Variants in SRGAP3 observed in about 807,000 individuals in gnomAD.
SRGAP3 encodes the protein SLIT-ROBO Rho GTPase-activating protein 3.
In SRGAP3, 39 loss-of-function variants were observed where a neutral mutation model predicts 121.1. That is an observed-to-expected ratio of 0.32 (90% CI 0.25 to 0.42). The LOEUF (loss-of-function observed/expected upper bound fraction) is 0.42, where lower values mean the gene tolerates loss of function less well. Among genes scored for constraint, SRGAP3 ranks in the 10% least tolerant of loss-of-function variants. The pLI, the probability that SRGAP3 is intolerant of heterozygous loss-of-function variation, is 1.00. For missense variants in SRGAP3, 1,213 were observed against 1,470.6 expected (o/e 0.82, Z 2.86); for synonymous variants, 601 against 570.0 (o/e 1.05, Z -0.77).
intron 3 of SRGAP3, among the ~76,000 whole-genome samples, chr3:9,087,848 G>A (rs74381383): frequency 0.017 from 2,575 of 152,186 alleles, 72 homozygotes; most frequent in African/African-American, 0.059. Context: ...GCTGGAGATC[G>A]GGTTCTTGTA....
At chr3:9,028,946 G>A (rs868253752) in intron 12 of SRGAP3, among the ~76,000 whole-genome samples, 4 of 152,248 alleles carry the variant, frequency 2.6e-5, no homozygotes, top group Middle Eastern at 3.4e-3. Context: ...TCAGGGGAGC[G>A]CCATCGGCTC....
intron 3 of SRGAP3, among the ~76,000 whole-genome samples, chr3:9,102,746 T>C (rs1180000562): frequency 6.6e-6 from 1 of 152,186 alleles, no homozygotes; most frequent in Non-Finnish European, 1.5e-5. Context: ...TTTTTCATTA[T>C]TTTCCACCCT....
intron 21 of SRGAP3, among the ~76,000 whole-genome samples, chr3:8,988,252 G>A (rs368035297): frequency 3.3e-4 from 51 of 152,292 alleles, no homozygotes; most frequent in Middle Eastern, 3.4e-3. Flanking sequence ...TCCCCAAACA[G>A]CCTCTTTAAG....
chr3:9,362,459 C>T (rs2030942458), intron 1 of SRGAP3, among the ~76,000 whole-genome samples: 3 of 150,382 alleles, frequency 2.0e-5, no homozygotes, highest in South Asian at 4.2e-4. Context: ...CCACTGTGCC[C>T]GGCCAGGTTC....
At chr3:9,296,218 C>T (rs905870764) in intron 3 of SRGAP3, among the ~76,000 whole-genome samples, 4 of 152,204 alleles carry the variant, frequency 2.6e-5, no homozygotes, top group African/African-American at 7.2e-5. Flanking sequence ...AACAATCATA[C>T]TGTTTTCCAT....
At position 9,206,971 on chromosome 3, in the gene SRGAP3, A is replaced by G. The variant is rs77983899; in HGVS notation, c.67+41914T>C. Among the ~76,000 whole-genome samples the G allele has an allele frequency of 6.5e-3, 983 of 152,310 alleles. 13 individuals are homozygous for G. Among genetic ancestry groups the G allele is most frequent in the African/African-American group, 0.022 (921 of 41,578 alleles). The stretch of plus-strand genomic sequence containing the variant: ...CCTAAAATGGCACCTGGCACATAGT[A>G]GATGCTCAGTAAAGATTTGCTGAAT... On this transcript the variant is annotated intron_variant, in intron 1 of 21. Transcript: ENST00000383836.
At chr3:9,074,993 T>G (rs945862015) in intron 4 of SRGAP3, among the ~76,000 whole-genome samples, 3 of 152,172 alleles carry the variant, frequency 2.0e-5, no homozygotes, top group East Asian at 3.9e-4. Context: ...AAGAGACAGG[T>G]GGGGGGACAC....
chr3:9,302,163 TAGTG>T (rs530146582), intron 3 of SRGAP3, among the ~76,000 whole-genome samples: 20 of 152,288 alleles, frequency 1.3e-4, no homozygotes, highest in Middle Eastern at 3.4e-3. Context: ...ATGGGAAACT[TAGTG>T]AGCCCCCAGG....
intron 13 of SRGAP3, among the ~76,000 whole-genome samples, 170 bp from the exon 14 acceptor site, chr3:9,025,508 T>C (rs1403913113): frequency 1.3e-5 from 2 of 152,168 alleles, no homozygotes; most frequent in African/African-American, 2.4e-5. Context: ...CACGGTAAAG[T>C]ACAGCTGGCC....
chr3:8,982,407 TTAC>T lies in SRGAP3; in HGVS notation c.*3109_*3111del, dbSNP rs1177038756. On this transcript the variant is annotated 3_prime_UTR_variant, in exon 22 of 22. Coordinates refer to ENST00000383836, the MANE Select transcript of SRGAP3 (RefSeq NM_014850.4). ...GTTATATTGAAGACTACTAACTAGG[TTAC>T]TACATTTCCCCCACACTCACTGTAC... 4.5e-6 allele frequency: 1 copy of T among 224,458 alleles called. No individual in the cohort carries two copies. The highest frequency in any genetic ancestry group is 8.9e-6 in the Non-Finnish European group (1 of 112,250). 13.9% of individuals were successfully genotyped at this position (224,458 alleles called of 1,614,324 possible).
chr3:9,214,098 G>A (rs62244899), intron 1 of SRGAP3, among the ~76,000 whole-genome samples: 24,691 of 145,652 alleles, frequency 0.17, 2,197 homozygotes, highest in South Asian at 0.24. Context: ...CCTGTCTTCT[G>A]TCACCCCTAC....
intron 3 of SRGAP3, among the ~76,000 whole-genome samples, chr3:9,301,478 G>A (rs1030606756): frequency 6.6e-6 from 1 of 152,234 alleles, no homozygotes; most frequent in Admixed American, 6.5e-5. Flanking sequence ...CACTTTGCAG[G>A]GGAGCAGGGA....
chr3:9,202,002 G>A (rs1298535952), intron 1 of SRGAP3, among the ~76,000 whole-genome samples: 2 of 151,796 alleles, frequency 1.3e-5, no homozygotes, highest in Admixed American at 6.6e-5. Context: ...GAAAAAAGTC[G>A]AATGCTTCTT....
At chr3:9,237,741 G>A (rs190306954) in intron 1 of SRGAP3, among the ~76,000 whole-genome samples, 40 of 152,348 alleles carry the variant, frequency 2.6e-4, no homozygotes, top group Admixed American at 7.2e-4. Flanking sequence ...AGAGTGACCA[G>A]GGGAGGGAAA....
chr3:9,287,594 G>A (rs2125268646), intron 3 of SRGAP3, among the ~76,000 whole-genome samples: 1 of 152,266 alleles, frequency 6.6e-6, no homozygotes, highest in South Asian at 2.1e-4. Context: ...ATAGGCAGTG[G>A]AGCCTATAAA....
rs368623499 is a variant in SRGAP3 at position 9,334,745 on chromosome 3, A to G, written n.215-4149T>C. Among the ~76,000 whole-genome samples the G allele has an allele frequency of 9.4e-4, 143 of 152,336 alleles. 2 individuals are homozygous for G. Among genetic ancestry groups the G allele is most frequent in the African/African-American group, 3.3e-3 (136 of 41,576 alleles). On this transcript the variant is annotated intron_variant and non_coding_transcript_variant, in intron 1 of 3. Coordinates refer to the SRGAP3 transcript ENST00000490889. Reference sequence around the variant, plus strand: ...CTGACAGTCAACTACCCAAATGGAAAGAAAAAAGCACTGAACCAAAAGTGA... The same window carrying G: ...CTGACAGTCAACTACCCAAATGGAAGGAAAAAAGCACTGAACCAAAAGTGA...
At chr3:9,216,777 A>C (rs1382230313) in intron 1 of SRGAP3, 1 of 152,628 alleles carries the variant, frequency 6.6e-6, no homozygotes, top group Non-Finnish European at 1.5e-5. Context: ...CCCTCCCCAG[A>C]GGAGCGGATG....
chr3:9,172,806 G>C (rs973500898), intron 1 of SRGAP3, among the ~76,000 whole-genome samples: 1 of 152,238 alleles, frequency 6.6e-6, no homozygotes, highest in Non-Finnish European at 1.5e-5. Flanking sequence ...GAGTGAGAAG[G>C]GCAAGCGCAG....
chr3:9,091,040 T>A (rs1271468588), intron 3 of SRGAP3, among the ~76,000 whole-genome samples: 1 of 151,020 alleles, frequency 6.6e-6, no homozygotes, highest in African/African-American at 2.4e-5. Flanking sequence ...AAAAAAAAAA[T>A]ACCATCTTAA....
Sources: gnomAD v4.1 joint callset for allele counts (sites outside exome capture counted in the v4.1 genomes callset) on GRCh38, gnomAD v4.1.1 for gene constraint, MANE v1.5 for transcripts, NCBI Gene and HGNC (gene_info 2026-07-23, HGNC 2026-07-21) for gene names.